RUBCN: variants seen among roughly 807,000 people sequenced by gnomAD.
RUBCN encodes the protein rubicon autophagy regulator.
Under a neutral mutation model 113.2 loss-of-function variants are expected in RUBCN, and 74 were observed. That is an observed-to-expected ratio of 0.65 (90% CI 0.54 to 0.79). The LOEUF (loss-of-function observed/expected upper bound fraction) is 0.79, where lower values mean the gene tolerates loss of function less well. Ranked by LOEUF, RUBCN falls within the 30% of genes least tolerant of loss-of-function variation. RUBCN has a pLI of 0.00. For missense variants in RUBCN, 1,109 were observed against 1,251.7 expected, an observed-to-expected ratio of 0.89 and a Z score of 1.72; for synonymous variants, 480 against 490.0, an observed-to-expected ratio of 0.98 and a Z score of 0.27.
intron 18 of RUBCN, 168 bp downstream of exon 18, chr3:197,676,717 T>C (rs1328558108): frequency 6.8e-7 from 1 of 1,478,360 alleles, no homozygotes; most frequent in African/African-American, 1.4e-5. Flanking sequence ...TCAGGATGAT[T>C]TGGCTGCTCT....
At chr3:197,715,533 A>AGCACATAG (rs151077328) in intron 2 of RUBCN, among the ~76,000 whole-genome samples, 5 of 152,152 alleles carry the variant, frequency 3.3e-5, no homozygotes, top group African/African-American at 1.2e-4. Flanking sequence ...CATAGCACAT[A>AGCACATAG]CTAGGAGAGC....
At chr3:197,708,204 C>T (rs972288253) in intron 2 of RUBCN, among the ~76,000 whole-genome samples, 4 of 151,780 alleles carry the variant, frequency 2.6e-5, no homozygotes, top group Admixed American at 6.6e-5. Context: ...GGTGCAATCT[C>T]GGCTCACTGA....
At chr3:197,705,061 G>A in intron 3 of RUBCN, 31 bp downstream of exon 3, 1 of 1,564,236 alleles carries the variant, frequency 6.4e-7, no homozygotes, top group Non-Finnish European at 8.8e-7. Flanking sequence ...CCACAGCTCT[G>A]CCAGCACAGC....
chr3:197,677,400 T>TA, intron 17 of RUBCN, 80 bp downstream of exon 17: 1 of 1,229,028 alleles, frequency 8.1e-7, no homozygotes, highest in African/African-American at 1.5e-5. Flanking sequence ...CTTCGTTACA[T>TA]AACAAGAGCC....
rs1184227578 is a variant in RUBCN at position 197,682,900 on chromosome 3, C to G, written c.1981-285G>C. On this transcript the variant is annotated intron_variant, in intron 13 of 19. Transcript: ENST00000296343. ...AGGGCCGTGGGTTCCAAGAAGCAAA[C>G]AGAAACAGCCTACCAGGGCAGTGGC... Among the ~76,000 whole-genome samples the G allele has an allele frequency of 2.6e-5, 4 of 152,186 alleles. No homozygotes were observed. In the East Asian group the frequency reaches 7.7e-4, roughly 29 times the overall value.
chr3:197,736,461 A>G (rs1354257934), intron 1 of RUBCN, among the ~76,000 whole-genome samples, 194 bp downstream of exon 1: 2 of 72,546 alleles, frequency 2.8e-5, no homozygotes, highest in East Asian at 6.1e-4. Context: ...TCCTCACCCT[A>G]AGCCGGTTCC....
At chr3:197,686,295 T>C (rs1240926630) in intron 11 of RUBCN, among the ~76,000 whole-genome samples, 1 of 151,608 alleles carries the variant, frequency 6.6e-6, no homozygotes, top group Non-Finnish European at 1.5e-5. Context: ...CTTCAGAAAA[T>C]ACAATTGAGT....
chr3:197,705,706 C>A (rs1417797385), intron 2 of RUBCN, among the ~76,000 whole-genome samples: 1 of 150,328 alleles, frequency 6.7e-6, no homozygotes, highest in East Asian at 1.9e-4. Context: ...ATATGACATA[C>A]AAGGTATACA....
In RUBCN at chr3:197,683,440, C is replaced by G; in HGVS notation, c.1848-1G>C. 1 of 1,613,886 alleles carries G rather than the reference C, an allele frequency of 6.2e-7. No individual in the cohort carries two copies. On this transcript the variant is annotated splice_acceptor_variant, in intron 12 of 19. Transcript: ENST00000296343. LOFTEE classifies it high-confidence loss of function. This position sits in a 1 kb window ranked among gnomAD's most constrained non-coding sequence, Gnocchi z 4.6. ...CGTGGAGTGCAGGAAGCAGTGGGAG[C>G]TGGAAAGGGGAGAATCAAGGACGGC... is the stretch of plus-strand genomic sequence containing the variant.
intron 1 of RUBCN, among the ~76,000 whole-genome samples, chr3:197,731,361 C>T (rs1727441569): frequency 6.6e-6 from 1 of 152,340 alleles, no homozygotes; most frequent in Admixed American, 6.5e-5. Flanking sequence ...TTTCTTAGTA[C>T]AGAACAAAAT....
At chr3:197,748,705 C>G (rs758658156) in intron 1 of RUBCN, among the ~76,000 whole-genome samples, 3 of 152,126 alleles carry the variant, frequency 2.0e-5, no homozygotes, top group African/African-American at 7.2e-5. Context: ...GCAAGCTTTG[C>G]TTTAAATTCA....
At chr3:197,710,477 G>A (rs1219098412) in intron 2 of RUBCN, among the ~76,000 whole-genome samples, 2 of 151,700 alleles carry the variant, frequency 1.3e-5, no homozygotes, top group African/African-American at 4.8e-5. Context: ...GCACATGCCT[G>A]TAATCCCAGC....
At chr3:197,682,756 T>C in intron 13 of RUBCN, 141 bp from the exon 14 acceptor site, 1 of 1,082,982 alleles carries the variant, frequency 9.2e-7, no homozygotes, top group Non-Finnish European at 1.4e-6. Context: ...GAAACAGAAA[T>C]GCGGGACCCT....
intron 11 of RUBCN, 136 bp downstream of exon 11, chr3:197,693,579 C>G (rs1295309375): frequency 1.4e-5 from 10 of 694,476 alleles, no homozygotes; most frequent in Admixed American, 2.1e-5. Flanking sequence ...TTGTTTTTAG[C>G]AGAAGGCTGT....
At chr3:197,737,008 G>T, upstream of RUBCN, 1 of 1,126,122 alleles carries the variant, frequency 8.9e-7, no homozygotes, top group Non-Finnish European at 1.1e-6. Flanking sequence ...CGCAGACCGC[G>T]CCCCTCCAAC....
rs185551441 is a variant in RUBCN, at chr3:197,746,310, G to C, written c.-116+2959C>G. Among the ~76,000 whole-genome samples the C allele has an allele frequency of 2.3e-3, 352 of 152,282 alleles. 3 individuals carry two copies. Among genetic ancestry groups the C allele is most frequent in the Non-Finnish European group, 4.0e-3 (274 of 68,008 alleles). Reference sequence around the variant, plus strand: ...AGAAACAGTTGTAACAATTTGATTAGTTTAACTTGCTACATTCCAAGGAAG... The same window carrying C: ...AGAAACAGTTGTAACAATTTGATTACTTTAACTTGCTACATTCCAAGGAAG... On this transcript the variant is annotated intron_variant, in intron 1 of 20. Transcript: ENST00000273582.
At chr3:197,709,013 G>A (rs780951509) in intron 2 of RUBCN, among the ~76,000 whole-genome samples, 12 of 152,004 alleles carry the variant, frequency 7.9e-5, no homozygotes, top group Non-Finnish European at 1.3e-4. Context: ...AAATTCTATC[G>A]CATAGTTTAT....
rs533433095 is a variant in RUBCN at position 197,700,777 on chromosome 3, G to A, written c.1097C>T (p.Ala366Val). Residue 366 changes from alanine (A) to valine (V), a missense_variant, in exon 7 of 20, where the codon GCC (alanine) becomes GTC (valine). Ala to Val is a moderately conservative substitution (Grantham distance 64, BLOSUM62 0). This residue lies in a region of RUBCN where 736 missense variants were observed against 779.6 expected (regional missense o/e 0.94). Coordinates refer to ENST00000296343, the MANE Select transcript of RUBCN (RefSeq NM_014687.4). Reference sequence around the variant, plus strand: ...TCCTTCCTGGTCCCCTAAGGAAGAGGCAGCAGAATCTGGCTTCTGGGAGCT... The same window carrying A: ...TCCTTCCTGGTCCCCTAAGGAAGAGACAGCAGAATCTGGCTTCTGGGAGCT... ...SSSSQKPDSA[A>V]SSLGDQEGGG... 1.2e-6 allele frequency: 2 copies of A among 1,614,228 alleles called. No individual in the cohort carries two copies. The highest frequency in any genetic ancestry group is 4.5e-5 in the East Asian group (2 of 44,894).
chr3:197,702,112 C>T (rs774579543), intron 5 of RUBCN, among the ~76,000 whole-genome samples: 2 of 152,328 alleles, frequency 1.3e-5, no homozygotes, highest in Non-Finnish European at 2.9e-5. Flanking sequence ...ACAGAGGCAG[C>T]ACAACAAAGT....
Sources: gnomAD v4.1 joint callset for allele counts (sites outside exome capture counted in the v4.1 genomes callset) on GRCh38, gnomAD v4.1.1 for gene constraint, gnomAD v4.1.1 regional missense constraint, Gnocchi (gnomAD v3.1) non-coding constraint, MANE v1.5 for transcripts, NCBI Gene and HGNC (gene_info 2026-07-23, HGNC 2026-07-21) for gene names.